The following RPS19 variants were observed in gnomAD, a reference collection of about 807,000 sequenced individuals.
The protein encoded by RPS19 is ribosomal protein S19, also known as small ribosomal subunit protein eS19.
Under a neutral mutation model 20.3 loss-of-function variants are expected in RPS19, and 1 was observed. The ratio of observed to expected loss-of-function variants is 0.05; its 90% CI spans 0.02 to 0.23. The LOEUF is 0.23. Among genes scored for constraint, RPS19 ranks in the 10% least tolerant of loss-of-function variants. The probability of loss-of-function intolerance (pLI) is 1.00; values close to 1 mark genes in which losing one functional copy is unlikely to be tolerated. For synonymous variants in RPS19, 87 were observed against 74.8 expected (o/e 1.16, Z -0.84); for missense variants, 111 against 192.7 (o/e 0.58, Z 2.51).
intron 3 of RPS19, among the ~76,000 whole-genome samples, chr19:41,868,104 A>G (rs1267734853): frequency 6.6e-6 from 1 of 152,210 alleles, no homozygotes; most frequent in Non-Finnish European, 1.5e-5. Flanking sequence ...GAAAGAAATC[A>G]CTAGAGCAGA....
chr19:41,868,717 A>G (rs1453447571), intron 3 of RPS19, among the ~76,000 whole-genome samples: 1 of 152,068 alleles, frequency 6.6e-6, no homozygotes, highest in South Asian at 2.1e-4. Context: ...GGGCCCATGG[A>G]GATGGTCACA....
At chr19:41,869,884 G>A (rs1363950056) in intron 5 of RPS19, 131 bp downstream of exon 5, 1 of 900,930 alleles carries the variant, frequency 1.1e-6, no homozygotes, top group East Asian at 2.6e-5. Context: ...GGGGTCAGAG[G>A]AGGGCTGCCC....
At chr19:41,862,094 C>T (rs978627123) in intron 3 of RPS19, among the ~76,000 whole-genome samples, 24 of 152,162 alleles carry the variant, frequency 1.6e-4, no homozygotes, top group Non-Finnish European at 3.1e-4. Flanking sequence ...GTGGGGACTC[C>T]ATCCTGACCA....
rs2074139987 is a variant in RPS19, at chr19:41,870,848, C to CTTTTTTTTTTT, written c.412-503_412-502insTTTTTTTTTTT. Among the ~76,000 whole-genome samples the CTTTTTTTTTTT allele has an allele frequency of 7.0e-5, 6 of 85,810 alleles. 1 individual carries two copies. The highest frequency in any genetic ancestry group is 1.8e-4 in the African/African-American group (4 of 22,594). 56.3% of individuals were successfully genotyped at this position (85,810 alleles called of 152,430 possible). ...TTGGACTCCACTCCGCCACTCCCTT[C>CTTTTTTTTTTT]CTTTTTTTTTTTTTTTTTTTTTTTT... On this transcript the variant is annotated intron_variant, in intron 5 of 5. Transcript: ENST00000598742.
At chr19:41,862,921 TG>T (rs1195505193) in intron 3 of RPS19, among the ~76,000 whole-genome samples, 1 of 152,184 alleles carries the variant, frequency 6.6e-6, no homozygotes, top group East Asian at 1.9e-4. Flanking sequence ...TGTATATTTT[TG>T]TTGGGTTATA....
chr19:41,871,234 T>C, intron 5 of RPS19, 117 bp from the exon 6 acceptor site: 1 of 838,906 alleles, frequency 1.2e-6, no homozygotes, highest in East Asian at 2.4e-5. Context: ...ATGAGATAGA[T>C]GCATTTGAAA....
At chr19:41,861,942 G>A (rs1376288647) in intron 3 of RPS19, among the ~76,000 whole-genome samples, 1 of 152,218 alleles carries the variant, frequency 6.6e-6, no homozygotes, top group Non-Finnish European at 1.5e-5. Flanking sequence ...TAATATTTCA[G>A]TACTCACTAA....
At chr19:41,861,239 G>A (rs1555839204) in intron 3 of RPS19, 27 bp downstream of exon 3, 1 of 1,558,612 alleles carries the variant, frequency 6.4e-7, no homozygotes, top group East Asian at 2.2e-5. Context: ...TTTGGCTGGA[G>A]AGTGGGGAGC....
chr19:41,860,590 C>T (rs782799037), intron 1 of RPS19, 185 bp from the exon 2 acceptor site: 23 of 688,388 alleles, frequency 3.3e-5, no homozygotes, highest in Non-Finnish European at 6.1e-5. Flanking sequence ...TCCAGAGAGG[C>T]CGTGGGCGTC....
At chr19:41,866,003 C>T (rs1402145532) in intron 3 of RPS19, among the ~76,000 whole-genome samples, 3 of 149,790 alleles carry the variant, frequency 2.0e-5, no homozygotes, top group Admixed American at 6.7e-5. Context: ...CCTGTAATCC[C>T]AGCACTTTGG....
intron 3 of RPS19, among the ~76,000 whole-genome samples, chr19:41,866,042 A>T (rs1360751797): frequency 9.9e-5 from 15 of 151,758 alleles, no homozygotes; most frequent in African/African-American, 2.9e-4. Context: ...TCAGGAGGTC[A>T]GGAGTTTGAG....
At chr19:41,871,231 A>C in intron 5 of RPS19, 120 bp from the exon 6 acceptor site, 1 of 829,800 alleles carries the variant, frequency 1.2e-6, no homozygotes, top group Non-Finnish European at 2.2e-6. Flanking sequence ...TAGATGAGAT[A>C]GATGCATTTG....
In RPS19 at chr19:41,870,848, CCTTTTTTTTTTTTTTTTT is replaced by C. The variant is rs1183295796; in HGVS notation, c.412-502_412-485del. Among the ~76,000 whole-genome samples, 20 of 85,766 alleles carry C rather than the reference CCTTTTTTTTTTTTTTTTT, an allele frequency of 2.3e-4. No individual in the cohort carries two copies. The Admixed American group carries it at 2.9e-3, about 12-fold the overall frequency. The allele number at this position is 85,766 out of a possible 152,430, so 56.3% of individuals were successfully genotyped here. A position where few individuals can be genotyped will look rare whatever the true frequency, so the allele number is the denominator to read the frequency against. On this transcript the variant is annotated intron_variant, in intron 5 of 5. Coordinates refer to ENST00000598742, the MANE Select transcript of RPS19 (RefSeq NM_001022.4). Reference sequence around the variant, plus strand: ...TTGGACTCCACTCCGCCACTCCCTTCCTTTTTTTTTTTTTTTTTTTTTTTTTTTTTTTGAGACAGAGTC... The same window carrying C: ...TTGGACTCCACTCCGCCACTCCCTTCTTTTTTTTTTTTTTGAGACAGAGTC...
At chr19:41,862,426 A>T (rs542097936) in intron 3 of RPS19, among the ~76,000 whole-genome samples, 1 of 152,034 alleles carries the variant, frequency 6.6e-6, no homozygotes, top group Non-Finnish European at 1.5e-5. Flanking sequence ...GGATGAAGAG[A>T]AGCTGACTTC....
chr19:41,869,553 G>A lies in RPS19; in HGVS notation c.357-146G>A, dbSNP rs1435750695. The A allele has an allele frequency of 3.3e-5, 27 of 812,334 alleles. No individual in the cohort carries two copies. The Admixed American group carries it at 3.4e-4, about 10-fold the overall frequency. 50.3% of individuals were successfully genotyped at this position (812,334 alleles called of 1,614,324 possible). A position where few individuals can be genotyped will look rare whatever the true frequency, so the allele number is the denominator to read the frequency against. ...GGGCTCCCACTACTGCCCCCAGCTC[G>A]TTAGAATGCACCTGACTAGGGCCCT... On this transcript the variant is annotated intron_variant, in intron 4 of 5. Transcript: ENST00000598742.
rs1555842025 is a variant in RPS19, at chr19:41,871,486, A to G, written c.*109A>G. ...GGCTGGAGTGCAGTGGCGCCATCTC[A>G]GCTCACTGCAATCTCCGCCTTCTGG... is the stretch of plus-strand genomic sequence containing the variant. On this transcript the variant is annotated 3_prime_UTR_variant, in exon 6 of 6. Transcript: ENST00000598742. 35 of 910,042 alleles carry G rather than the reference A, an allele frequency of 3.8e-5. No homozygotes were observed. The highest frequency in any genetic ancestry group is 2.5e-5 in the Non-Finnish European group (14 of 554,104). 56.4% of individuals were successfully genotyped at this position (910,042 alleles called of 1,614,324 possible).
chr19:41,861,074 A>G, intron 2 of RPS19, 38 bp from the exon 3 acceptor site: 1 of 1,513,560 alleles, frequency 6.6e-7, no homozygotes, highest in Non-Finnish European at 9.2e-7. Flanking sequence ...GTTTGTGGAG[A>G]TGACTGAATC....
chr19:41,861,875 A>G (rs12461131), intron 3 of RPS19, among the ~76,000 whole-genome samples: 69,523 of 151,980 alleles, frequency 0.46, 16,763 homozygotes, highest in Middle Eastern at 0.69. Context: ...GTCTCTTTTC[A>G]ATCTTCCAAT....
chr19:41,865,265 T>C (rs1043573122), intron 3 of RPS19, among the ~76,000 whole-genome samples: 3 of 151,408 alleles, frequency 2.0e-5, no homozygotes, highest in Non-Finnish European at 4.4e-5. Context: ...CTGGGGAGGC[T>C]GAGACAGAAG....
Sources: allele counts gnomAD v4.1 joint callset (sites outside exome capture counted in the v4.1 genomes callset), GRCh38; gene constraint gnomAD v4.1.1; transcripts MANE v1.5; gene names NCBI Gene and HGNC (gene_info 2026-07-23, HGNC 2026-07-21).